Variants in IRAK1BP1 observed in about 807,000 individuals in gnomAD.
IRAK1BP1 encodes interleukin-1 receptor-associated kinase 1-binding protein 1.
Under a neutral mutation model 28.0 loss-of-function variants are expected in IRAK1BP1, and 24 were observed. The observed-to-expected ratio is 0.86, with a 90% CI of 0.62 to 1.20. IRAK1BP1 has a LOEUF of 1.20. IRAK1BP1 is among the 50% of genes most tolerant of loss of function. The pLI is 0.00. For synonymous variants in IRAK1BP1, 131 were observed against 116.3 expected, an observed-to-expected ratio of 1.13 and a Z score of -0.81; for missense variants, 336 against 316.7, an observed-to-expected ratio of 1.06 and a Z score of -0.46.
intron 4 of IRAK1BP1, among the ~76,000 whole-genome samples, chr6:78,911,774 C>T (rs1410247225): frequency 2.0e-5 from 3 of 152,140 alleles, no homozygotes; most frequent in Non-Finnish European, 4.4e-5. Context: ...TACTGTACTA[C>T]CATGTGAAGT....
At chr6:78,890,268 CAG>C (rs1374276965) in intron 2 of IRAK1BP1, among the ~76,000 whole-genome samples, 5 of 135,886 alleles carry the variant, frequency 3.7e-5, no homozygotes, top group South Asian at 2.2e-4. Flanking sequence ...CAGGGCCTGT[CAG>C]GGGGTGGGGG....
intron 1 of IRAK1BP1, chr6:78,872,036 C>A (rs1770812191): frequency 1.5e-6 from 1 of 662,326 alleles, no homozygotes; most frequent in East Asian, 2.9e-5. Context: ...CCAGCCCCAG[C>A]AGCCTTCATC....
intron 4 of IRAK1BP1, among the ~76,000 whole-genome samples, chr6:78,910,233 G>A (rs1772367541): frequency 6.6e-6 from 1 of 152,142 alleles, no homozygotes; most frequent in Admixed American, 6.5e-5. Context: ...CGGCAGGATG[G>A]CCTAGGGAGG....
chr6:78,955,918 C>A, the IRAK1BP1 span: 170 of 267,154 alleles, frequency 6.4e-4, 1 homozygote, highest in African/African-American at 3.6e-3. Flanking sequence ...GTCTCATCTC[C>A]CAGTCTTTGC....
intron 4 of IRAK1BP1, among the ~76,000 whole-genome samples, chr6:78,942,976 G>A (rs765645139): frequency 7.2e-5 from 11 of 152,008 alleles, no homozygotes; most frequent in Non-Finnish European, 1.6e-4. Flanking sequence ...GATATTGAAC[G>A]GTGTTGTCCT....
the IRAK1BP1 span, among the ~76,000 whole-genome samples, chr6:78,977,719 G>A: frequency 6.6e-6 from 1 of 152,098 alleles, no homozygotes; most frequent in East Asian, 1.9e-4. Flanking sequence ...AATGCTACAG[G>A]ATGTTAAGAT....
At chr6:78,942,354 G>C (rs1004292382) in intron 4 of IRAK1BP1, among the ~76,000 whole-genome samples, 3 of 152,120 alleles carry the variant, frequency 2.0e-5, no homozygotes, top group African/African-American at 7.2e-5. Context: ...GTGGTGGTGG[G>C]TGCCTGTAAT....
intron 4 of IRAK1BP1, chr6:78,939,514 T>G (rs1481888430): frequency 6.6e-6 from 1 of 151,908 alleles, no homozygotes; most frequent in African/African-American, 2.4e-5. Context: ...TTTAAAATTA[T>G]TTTTATTCTA....
At chr6:78,892,656 C>T (rs1668294612) in intron 2 of IRAK1BP1, among the ~76,000 whole-genome samples, 1 of 152,014 alleles carries the variant, frequency 6.6e-6, no homozygotes, top group African/African-American at 2.4e-5. Context: ...AATTAAAAGA[C>T]ATAGTCATTA....
At chr6:78,964,099 T>A in the IRAK1BP1 span, among the ~76,000 whole-genome samples, 34 of 152,148 alleles carry the variant, frequency 2.2e-4, no homozygotes, top group Middle Eastern at 3.2e-3. Flanking sequence ...TCAATGTGAG[T>A]TCAAATTCAA....
chr6:78,962,697 C>T, the IRAK1BP1 span, among the ~76,000 whole-genome samples: 1 of 152,048 alleles, frequency 6.6e-6, no homozygotes, highest in Non-Finnish European at 1.5e-5. Context: ...TTAAGAAGAT[C>T]CTCTTTTGTG....
chr6:78,959,107 C>T, the IRAK1BP1 span, among the ~76,000 whole-genome samples: 1 of 151,988 alleles, frequency 6.6e-6, no homozygotes, highest in African/African-American at 2.4e-5. Context: ...GCTAGTTTAC[C>T]AAGAAACCTA....
the IRAK1BP1 span, among the ~76,000 whole-genome samples, chr6:78,967,352 TAA>T: frequency 6.6e-6 from 1 of 152,086 alleles, no homozygotes; most frequent in Non-Finnish European, 1.5e-5. Flanking sequence ...ACACTAAACA[TAA>T]AGTTTCAAAG....
Position 78,898,289 on chromosome 6 carries a change from A to G in IRAK1BP1, c.738A>G (p.Ile246Met), listed in dbSNP as rs202049034. ...ATIHAASKVF[I>M]TFEVKGKEKR... Reference sequence around the variant, plus strand: ...TACATGCTGCTTCAAAAGTATTTATAACTTTTGAGGTAAAGGGAAAAGAGA... The same window carrying G: ...TACATGCTGCTTCAAAAGTATTTATGACTTTTGAGGTAAAGGGAAAAGAGA... Residue 246 changes from isoleucine (I) to methionine (M), a missense_variant, in exon 4 of 4, where the codon ATA becomes ATG. Physicochemically the swap from Ile to Met is conservative, Grantham distance 10. Coordinates refer to ENST00000369940, the MANE Select transcript of IRAK1BP1 (RefSeq NM_001010844.4). 119 of 1,606,216 alleles carry G rather than the reference A, an allele frequency of 7.4e-5. No individual in the cohort carries two copies. In the East Asian group the frequency reaches 2.1e-3, roughly 29 times the overall value.
At chr6:78,874,903 TAAACTAAAGAGCTTCTGCACAGCAAATG>T (rs1770939979) in intron 1 of IRAK1BP1, among the ~76,000 whole-genome samples, 1 of 152,130 alleles carries the variant, frequency 6.6e-6, no homozygotes, top group African/African-American at 2.4e-5. Flanking sequence ...GGGACTTAAT[TAAACTAAAGAGCTTCTGCACAGCAAATG>T]AAACTATCAA....
At chr6:78,972,461 A>G in the IRAK1BP1 span, among the ~76,000 whole-genome samples, 1 of 152,158 alleles carries the variant, frequency 6.6e-6, no homozygotes, top group East Asian at 1.9e-4. Context: ...AACTCTAAAA[A>G]TCAGAGCACC....
chr6:78,952,672 T>C, the IRAK1BP1 span, among the ~76,000 whole-genome samples: 1 of 152,162 alleles, frequency 6.6e-6, no homozygotes, highest in African/African-American at 2.4e-5. Context: ...CTTTAGTCTG[T>C]TTTTAAAACT....
intron 1 of IRAK1BP1, among the ~76,000 whole-genome samples, chr6:78,878,203 G>C (rs1388817109): frequency 6.6e-6 from 1 of 152,194 alleles, no homozygotes; most frequent in African/African-American, 2.4e-5. Context: ...CCTCAAGAGG[G>C]TCTCTGACCC....
At chr6:78,945,772 G>A in exon 5 of IRAK1BP1, 2 of 588,576 alleles carry the variant, frequency 3.4e-6, no homozygotes, top group South Asian at 4.7e-5. Flanking sequence ...TTTAAATTCA[G>A]GTAGTTTAGA....
Sources: allele counts gnomAD v4.1 joint callset (sites outside exome capture counted in the v4.1 genomes callset), GRCh38; gene constraint gnomAD v4.1.1; transcripts MANE v1.5; gene names NCBI Gene and HGNC (gene_info 2026-07-23, HGNC 2026-07-21).